The following CNOT7 variants were observed in gnomAD, a reference collection of about 807,000 sequenced individuals.
CNOT7 encodes the protein CCR4-NOT transcription complex subunit 7, also known as BTG1-binding factor 1.
A neutral mutation model predicts 37.1 loss-of-function variants in CNOT7; 4 were observed. That is an observed-to-expected ratio of 0.11 (90% CI 0.05 to 0.25). The LOEUF is 0.25. CNOT7 is among the 10% of genes least tolerant of loss of function. The probability of loss-of-function intolerance (pLI) is 1.00; values close to 1 mark genes in which losing one functional copy is unlikely to be tolerated. For missense variants in CNOT7, 170 were observed against 336.2 expected (o/e 0.51, Z 3.87); for synonymous variants, 128 against 115.6 (o/e 1.11, Z -0.69).
At chr8:17,239,532 G>A (rs1158597955) in intron 3 of CNOT7, among the ~76,000 whole-genome samples, 1 of 152,158 alleles carries the variant, frequency 6.6e-6, no homozygotes, top group Non-Finnish European at 1.5e-5. Flanking sequence ...GTCTCACTCT[G>A]TCGCCCAGAC....
chr8:17,230,869 A>C (rs776410687), intron 6 of CNOT7, 21 bp from the exon 7 acceptor site: 5 of 1,529,460 alleles, frequency 3.3e-6, no homozygotes, highest in Non-Finnish European at 4.4e-6. Flanking sequence ...ATTTTGAAGA[A>C]AAAAAAAAGA....
In CNOT7 at chr8:17,228,523, A is replaced by C. The variant is rs1299638340; in HGVS notation, c.*2197T>G. 6.6e-6 allele frequency: 1 copy of C among 151,982 alleles called. No individual in the cohort carries two copies. The highest frequency in any genetic ancestry group is 1.5e-5 in the Non-Finnish European group (1 of 67,870). 9.4% of individuals were successfully genotyped at this position (151,982 alleles called of 1,614,324 possible). Reference sequence around the variant, plus strand: ...CCCAATTTACGATGGTTCAAGTTATAAATTTTGACTTTGCAATGGTGCAAA... The same window carrying C: ...CCCAATTTACGATGGTTCAAGTTATCAATTTTGACTTTGCAATGGTGCAAA... On this transcript the variant is annotated 3_prime_UTR_variant, in exon 7 of 7. Coordinates refer to ENST00000361272, the MANE Select transcript of CNOT7 (RefSeq NM_013354.7).
rs976062972 is a variant in CNOT7, at chr8:17,227,348, T to G, written c.*3372A>C. ...CGATCACTTCAAATCCAGCAATGGTTTCTCAAAAAATAAAGCTAGGCAGTA... is the reference window on the plus strand; with the variant it reads ...CGATCACTTCAAATCCAGCAATGGTGTCTCAAAAAATAAAGCTAGGCAGTA... On this transcript the variant is annotated 3_prime_UTR_variant, in exon 7 of 7. Transcript: ENST00000361272. 2.0e-5 allele frequency: 3 copies of G among 151,782 alleles called. No individual in the cohort carries two copies. The highest frequency in any genetic ancestry group is 1.3e-4 in the Admixed American group (2 of 15,224). 9.4% of individuals were successfully genotyped at this position (151,782 alleles called of 1,614,324 possible). A position where few individuals can be genotyped will look rare whatever the true frequency, so the allele number is the denominator to read the frequency against.
intron 2 of CNOT7, chr8:17,244,763 C>T (rs769763042): frequency 3.8e-5 from 12 of 316,056 alleles, no homozygotes; most frequent in African/African-American, 1.1e-4. Flanking sequence ...GACCACCTGA[C>T]ACGAGCCCAA....
rs185769502 is a variant in CNOT7, at chr8:17,229,970, A to T, written c.*750T>A. 1.3e-5 allele frequency: 2 copies of T among 152,372 alleles called. No homozygotes were observed. The highest frequency in any genetic ancestry group is 4.8e-5 in the African/African-American group (2 of 41,408). 9.4% of individuals were successfully genotyped at this position (152,372 alleles called of 1,614,324 possible). On this transcript the variant is annotated 3_prime_UTR_variant, in exon 7 of 7. Transcript: ENST00000361272. ...TGGCAGATAGTAAACATCCAATCAC[A>T]AGGGATTTTTCCTGAAGGGTGTAAA...
At chr8:17,236,606 TA>T (rs1202207974) in intron 4 of CNOT7, among the ~76,000 whole-genome samples, 2 of 151,732 alleles carry the variant, frequency 1.3e-5, no homozygotes, top group South Asian at 2.1e-4. Context: ...CTTATCACTT[TA>T]AAAAAAAATT....
rs1808446096 is a variant in CNOT7, at chr8:17,230,200, A to G, written c.*520T>C. The G allele has an allele frequency of 6.6e-6, 1 of 152,534 alleles. No individual in the cohort carries two copies. Among genetic ancestry groups the G allele is most frequent in the South Asian group, 2.1e-4 (1 of 4,836 alleles). The allele number at this position is 152,534 out of a possible 1,614,324, so 9.4% of individuals were successfully genotyped here. On this transcript the variant is annotated 3_prime_UTR_variant, in exon 7 of 7. Transcript: ENST00000361272. ...TTCTGTGGGTCAAAACCAAGTAAAT[A>G]CTGTGTAAAGTTGGCAGATTTTTCC...
chr8:17,237,114 C>T (rs1809473719), intron 4 of CNOT7, 98 bp downstream of exon 4: 2 of 1,216,920 alleles, frequency 1.6e-6, no homozygotes, highest in Admixed American at 3.9e-5. Context: ...CAACTCTTTC[C>T]AGAATTAAAC....
rs568634679 is a variant in CNOT7 at position 17,227,575 on chromosome 8, T to G, written c.*3145A>C. On this transcript the variant is annotated 3_prime_UTR_variant, in exon 7 of 7. Coordinates refer to ENST00000361272, the MANE Select transcript of CNOT7 (RefSeq NM_013354.7). ...TTTGCTTGGCTAACAAATAGGCTACTTGTAAACATTTTGGTTGCAGCCTCA... is the reference window on the plus strand; with the variant it reads ...TTTGCTTGGCTAACAAATAGGCTACGTGTAAACATTTTGGTTGCAGCCTCA... 1 of 151,946 alleles carries G rather than the reference T, an allele frequency of 6.6e-6. No homozygotes were observed. The allele number at this position is 151,946 out of a possible 1,614,324, so 9.4% of individuals were successfully genotyped here. A position where few individuals can be genotyped will look rare whatever the true frequency, so the allele number is the denominator to read the frequency against.
Position 17,243,177 on chromosome 8 carries a change from C to T in CNOT7, c.126G>A (p.Glu42=). ...TGGGTCTTGCAACCACACCTGGAAA[C>T]TCGGTGTCCTGTAAAATAGTTTTAA... ...RKYNYVAMDT[E]FPGVVARPIG... is the part of the protein sequence containing the mutation. The change falls in exon 3 of 7, where the codon GAG becomes GAA. Residue 42 remains glutamate (E), a synonymous_variant. Transcript: ENST00000361272. 1.3e-6 allele frequency: 2 copies of T among 1,591,608 alleles called. No individual in the cohort carries two copies. Among genetic ancestry groups the T allele is most frequent in the Non-Finnish European group, 1.7e-6 (2 of 1,173,352 alleles).
Position 17,245,251 on chromosome 8 carries a change from T to A in CNOT7, c.-95-4A>T, listed in dbSNP as rs569687224. 2.9e-5 allele frequency: 37 copies of A among 1,271,302 alleles called. No individual in the cohort carries two copies. The African/African-American group carries it at 5.5e-4, about 19-fold the overall frequency. 78.8% of individuals were successfully genotyped at this position (1,271,302 alleles called of 1,614,324 possible). The stretch of plus-strand genomic sequence containing the variant: ...ATTTTATCCTTTATTTATGTACCTG[T>A]CAAAATAAAAAAACAATATGAAGAC... On this transcript the variant is annotated splice_polypyrimidine_tract_variant and splice_region_variant and intron_variant, in intron 1 of 6. Transcript: ENST00000361272.
chr8:17,237,563 G>A (rs975394637), intron 3 of CNOT7, 190 bp from the exon 4 acceptor site: 5 of 541,554 alleles, frequency 9.2e-6, no homozygotes, highest in Admixed American at 6.2e-5. Context: ...TCAGAAAAGT[G>A]TTTCGAATAA....
chr8:17,227,774 T>C lies in CNOT7; in HGVS notation c.*2946A>G, dbSNP rs1268245306. 6.6e-6 allele frequency: 1 copy of C among 151,910 alleles called. No individual in the cohort carries two copies. Among genetic ancestry groups the C allele is most frequent in the African/African-American group, 2.4e-5 (1 of 41,448 alleles). 9.4% of individuals were successfully genotyped at this position (151,910 alleles called of 1,614,324 possible). On this transcript the variant is annotated 3_prime_UTR_variant, in exon 7 of 7. Coordinates refer to ENST00000361272, the MANE Select transcript of CNOT7 (RefSeq NM_013354.7). The stretch of plus-strand genomic sequence containing the variant: ...ATAAACACAATGTACCAGCATATAA[T>C]AAAATAGTCCATATTCCAATGTGCC...
intron 4 of CNOT7, 46 bp from the exon 5 acceptor site, chr8:17,234,906 A>T (rs752675626): frequency 2.3e-5 from 35 of 1,535,134 alleles, no homozygotes; most frequent in Middle Eastern, 2.4e-4. Flanking sequence ...TATAAATACT[A>T]TAAAGATTAA....
In CNOT7 at chr8:17,226,980, A is replaced by C. The variant is rs1305927142; in HGVS notation, c.*3740T>G. 1.3e-5 allele frequency: 2 copies of C among 150,380 alleles called. No individual in the cohort carries two copies. The highest frequency in any genetic ancestry group is 3.0e-5 in the Non-Finnish European group (2 of 67,114). The allele number at this position is 150,380 out of a possible 1,614,324, so 9.3% of individuals were successfully genotyped here. On this transcript the variant is annotated 3_prime_UTR_variant, in exon 7 of 7. Transcript: ENST00000361272. The stretch of plus-strand genomic sequence containing the variant: ...TAAGCCATTGAACGCCTGTGTGGCA[A>C]ATCAAATCAGGATATTCAGCTTCTG...
Position 17,228,669 on chromosome 8 carries a change from T to A in CNOT7, c.*2051A>T. 6.6e-6 allele frequency: 1 copy of A among 151,908 alleles called. No individual in the cohort carries two copies. The highest frequency in any genetic ancestry group is 1.9e-4 in the East Asian group (1 of 5,186). The allele number at this position is 151,908 out of a possible 1,614,324, so 9.4% of individuals were successfully genotyped here. ...AGTTGAAAAATCATTAAGTCGAAAGTAAGTTAGGGATTATCTATACTTTTT... is the reference window on the plus strand; with the variant it reads ...AGTTGAAAAATCATTAAGTCGAAAGAAAGTTAGGGATTATCTATACTTTTT... On this transcript the variant is annotated 3_prime_UTR_variant, in exon 7 of 7. Transcript: ENST00000361272.
chr8:17,243,126 G>C lies in CNOT7; in HGVS notation c.177C>G (p.Asp59Glu), dbSNP rs1810417243. The part of the protein sequence containing the change: ...RPIGEFRSNA[D>E]YQYQLLRCNV... Reference sequence around the variant, plus strand: ...TACACCGCAATAGTTGGTATTGATAGTCAGCATTGCTCCTGAATTCTCCAA... The same window carrying C: ...TACACCGCAATAGTTGGTATTGATACTCAGCATTGCTCCTGAATTCTCCAA... Residue 59 changes from aspartate to glutamate, a missense_variant, in exon 3 of 7, where the codon GAC (aspartate) becomes GAG (glutamate). By Grantham distance (45) the Asp-to-Glu change is conservative. Around this residue, in one of 6 missense-constraint regions of CNOT7, gnomAD observed 18 missense variants for 57.0 expected, o/e 0.32. Coordinates refer to ENST00000361272, the MANE Select transcript of CNOT7 (RefSeq NM_013354.7). The C allele has an allele frequency of 1.2e-6, 2 of 1,609,830 alleles. No homozygotes were observed. Among genetic ancestry groups the C allele is most frequent in the Non-Finnish European group, 1.7e-6 (2 of 1,179,016 alleles).
intron 2 of CNOT7, chr8:17,243,554 A>G: frequency 2.1e-6 from 1 of 465,694 alleles, no homozygotes; most frequent in Non-Finnish European, 4.3e-6. Context: ...AACTGGTTCA[A>G]AAGAGGGGAA....
At position 17,227,771 on chromosome 8, in the gene CNOT7, T is replaced by TAATA. The variant is rs1380674329; in HGVS notation, c.*2945_*2948dup. ...ATTATAAACACAATGTACCAGCATA[T>TAATA]AATAAAATAGTCCATATTCCAATGT... On this transcript the variant is annotated 3_prime_UTR_variant, in exon 7 of 7. Transcript: ENST00000361272. The TAATA allele has an allele frequency of 6.6e-6, 1 of 151,892 alleles. No homozygotes were observed. The highest frequency in any genetic ancestry group is 1.5e-5 in the Non-Finnish European group (1 of 67,810). The allele number at this position is 151,892 out of a possible 1,614,324, so 9.4% of individuals were successfully genotyped here.
Sources: allele counts gnomAD v4.1 joint callset (sites outside exome capture counted in the v4.1 genomes callset), GRCh38; gene constraint gnomAD v4.1.1; regional missense constraint gnomAD v4.1.1; transcripts MANE v1.5; gene names NCBI Gene and HGNC (gene_info 2026-07-23, HGNC 2026-07-21).